LSM3: variants seen among roughly 807,000 people sequenced by gnomAD.
LSM3 encodes LSM3 homolog, U6 small nuclear RNA and mRNA degradation associated, also known as U6 snRNA-associated Sm-like protein LSm3.
A neutral mutation model predicts 15.4 loss-of-function variants in LSM3; 14 were observed. The ratio of observed to expected loss-of-function variants is 0.91; its 90% CI spans 0.60 to 1.42. LSM3 has a LOEUF of 1.42. Among genes scored for constraint, LSM3 ranks in the 40% most tolerant of loss-of-function variants. LSM3 has a pLI of 0.00. For synonymous variants in LSM3, 46 were observed against 45.1 expected (o/e 1.02, Z -0.08); for missense variants, 88 against 127.9 (o/e 0.69, Z 1.50).
intron 3 of LSM3, among the ~76,000 whole-genome samples, chr3:14,197,663 T>TCTCGCCATTATC (rs1271235833): frequency 3.9e-4 from 59 of 152,362 alleles, no homozygotes; most frequent in Non-Finnish European, 7.3e-4. Flanking sequence ...TCTTAGTTCA[T>TCTCGCCATTATC]TTAGTGTTAG....
intron 3 of LSM3, among the ~76,000 whole-genome samples, chr3:14,187,759 A>G (rs1300378068): frequency 6.6e-6 from 1 of 152,226 alleles, no homozygotes; most frequent in Non-Finnish European, 1.5e-5. Context: ...TTTTCCCCCT[A>G]TAACTTACAT....
At chr3:14,196,281 T>C (rs1188595213) in intron 3 of LSM3, among the ~76,000 whole-genome samples, 1 of 152,096 alleles carries the variant, frequency 6.6e-6, no homozygotes, top group African/African-American at 2.4e-5. Flanking sequence ...GATGGCCAAG[T>C]TGCTGCAGAG....
chr3:14,195,316 G>A (rs1045059018), intron 3 of LSM3, among the ~76,000 whole-genome samples: 4 of 152,168 alleles, frequency 2.6e-5, no homozygotes, highest in Non-Finnish European at 5.9e-5. Context: ...CTGTAAGGGA[G>A]CCTGGGAAAT....
At chr3:14,187,316 G>A (rs1451590933) in intron 3 of LSM3, among the ~76,000 whole-genome samples, 1 of 152,212 alleles carries the variant, frequency 6.6e-6, no homozygotes, top group Non-Finnish European at 1.5e-5. Context: ...GCTCCTGAAC[G>A]CTGCGTGCTG....
chr3:14,179,608 A>G (rs1251447886), intron 1 of LSM3, among the ~76,000 whole-genome samples: 1 of 152,154 alleles, frequency 6.6e-6, no homozygotes, highest in Non-Finnish European at 1.5e-5. Context: ...TTATTTTTTC[A>G]TATTAAATGT....
rs973191592 is a variant in LSM3, at chr3:14,200,700, A to G, written c.*2584A>G. ...GCCCAAAATGAAAAGTAACTTGAGT[A>G]TCCCAAGTTAAACTTAATCATTAGC... On this transcript the variant is annotated 3_prime_UTR_variant, in exon 4 of 4. Transcript: ENST00000306024. 6.6e-6 allele frequency: 1 copy of G among 152,220 alleles called. No homozygotes were observed. Among genetic ancestry groups the G allele is most frequent in the East Asian group, 1.9e-4 (1 of 5,198 alleles). 9.4% of individuals were successfully genotyped at this position (152,220 alleles called of 1,614,324 possible). A position where few individuals can be genotyped will look rare whatever the true frequency, so the allele number is the denominator to read the frequency against.
At chr3:14,180,961 C>T (rs1032455878) in intron 1 of LSM3, among the ~76,000 whole-genome samples, 66 of 151,364 alleles carry the variant, frequency 4.4e-4, no homozygotes, top group South Asian at 1.0e-3. Flanking sequence ...AAGCAATCCT[C>T]CCACCTCAGC....
chr3:14,181,026 C>G (rs918935041), intron 1 of LSM3, among the ~76,000 whole-genome samples: 3 of 151,836 alleles, frequency 2.0e-5, no homozygotes, highest in African/African-American at 7.3e-5. Context: ...TAAGCCAGTG[C>G]TTTCAACCAG....
chr3:14,190,272 A>T (rs889763695), intron 3 of LSM3, among the ~76,000 whole-genome samples: 1 of 152,188 alleles, frequency 6.6e-6, no homozygotes, highest in Non-Finnish European at 1.5e-5. Context: ...TGCCTTGGCT[A>T]TGCAGGCTCT....
At position 14,191,186 on chromosome 3, in the gene LSM3, A is replaced by C. The variant is rs569125991; in HGVS notation, c.229-6850A>C. On this transcript the variant is annotated intron_variant, in intron 3 of 3. Transcript: ENST00000306024. ...GAGGTGCTGCTGGGTTCAGCTTGCC[A>C]GTATTTTATTGAGGATTTTTGCATC... 3.7e-4 allele frequency among the ~76,000 whole-genome samples: 56 copies of C among 152,290 alleles called. 1 individual carries two copies. The East Asian group carries it at 3.9e-3, about 10-fold the overall frequency.
At chr3:14,179,734 CAAAA>C (rs1175320901) in intron 1 of LSM3, among the ~76,000 whole-genome samples, 1 of 152,166 alleles carries the variant, frequency 6.6e-6, no homozygotes, top group East Asian at 1.9e-4. Flanking sequence ...TGGAAACACT[CAAAA>C]AATATTTGAG....
chr3:14,185,233 T>C (rs1461457771), intron 3 of LSM3, among the ~76,000 whole-genome samples: 1 of 152,026 alleles, frequency 6.6e-6, no homozygotes, highest in African/African-American at 2.4e-5. Context: ...GCACTGGCAA[T>C]CCCAGCTACT....
rs561921673 is a variant in LSM3, at chr3:14,199,230, T to C, written c.*1114T>C. The C allele has an allele frequency of 2.0e-5, 3 of 152,198 alleles. No individual in the cohort carries two copies. The highest frequency in any genetic ancestry group is 1.9e-4 in the East Asian group (1 of 5,192). The allele number at this position is 152,198 out of a possible 1,614,324, so 9.4% of individuals were successfully genotyped here. A position where few individuals can be genotyped will look rare whatever the true frequency, so the allele number is the denominator to read the frequency against. On this transcript the variant is annotated 3_prime_UTR_variant, in exon 4 of 4. Transcript: ENST00000306024. ...TCTCAGTGACACAGTAAAGCAGAAATTGGCTGAAAGCAAAGCTGTTTTTAT... is the reference window on the plus strand; with the variant it reads ...TCTCAGTGACACAGTAAAGCAGAAACTGGCTGAAAGCAAAGCTGTTTTTAT...
intron 3 of LSM3, among the ~76,000 whole-genome samples, chr3:14,195,404 C>G (rs750819204): frequency 3.7e-4 from 57 of 152,170 alleles, no homozygotes; most frequent in African/African-American, 8.2e-4. Context: ...TCTGCTCCCC[C>G]CCACCCACAC....
intron 3 of LSM3, among the ~76,000 whole-genome samples, chr3:14,195,342 G>A (rs537308649): frequency 6.6e-6 from 1 of 152,094 alleles, no homozygotes; most frequent in Admixed American, 6.5e-5. Context: ...AGAATTGTGT[G>A]CCCAGGAAGG....
rs1697205585 is a variant in LSM3 at position 14,198,452 on chromosome 3, G to C, written c.*336G>C. The C allele has an allele frequency of 1.4e-5, 4 of 278,278 alleles. No individual in the cohort carries two copies. The South Asian group carries it at 1.7e-4, about 12-fold the overall frequency. 17.2% of individuals were successfully genotyped at this position (278,278 alleles called of 1,614,324 possible). ...TAGATTTTTTTAAGTGCGGTCTTCT[G>C]TCTTGTGAATTATTTAAAGTAAGCA... On this transcript the variant is annotated 3_prime_UTR_variant, in exon 4 of 4. Coordinates refer to ENST00000306024, the MANE Select transcript of LSM3 (RefSeq NM_014463.3).
chr3:14,186,735 T>C (rs539398094), intron 3 of LSM3, among the ~76,000 whole-genome samples: 1 of 152,370 alleles, frequency 6.6e-6, no homozygotes, highest in Admixed American at 6.5e-5. Context: ...GTTATTGTTT[T>C]CTTAACATGG....
intron 3 of LSM3, among the ~76,000 whole-genome samples, chr3:14,196,399 C>CT (rs1697188122): frequency 6.6e-6 from 1 of 152,184 alleles, no homozygotes; most frequent in Admixed American, 6.5e-5. Flanking sequence ...TGCCACGTGA[C>CT]TTTCGGTTTT....
chr3:14,198,449 T>A lies in LSM3; in HGVS notation c.*333T>A, dbSNP rs144681549. 114 of 289,626 alleles carry A rather than the reference T, an allele frequency of 3.9e-4. No individual in the cohort carries two copies. The East Asian group carries it at 7.2e-3, about 18-fold the overall frequency. 17.9% of individuals were successfully genotyped at this position (289,626 alleles called of 1,614,324 possible). On this transcript the variant is annotated 3_prime_UTR_variant, in exon 4 of 4. Transcript: ENST00000306024. The stretch of plus-strand genomic sequence containing the variant: ...TTGTAGATTTTTTTAAGTGCGGTCT[T>A]CTGTCTTGTGAATTATTTAAAGTAA...
Sources: allele counts gnomAD v4.1 joint callset (sites outside exome capture counted in the v4.1 genomes callset), GRCh38; gene constraint gnomAD v4.1.1; transcripts MANE v1.5; gene names NCBI Gene and HGNC (gene_info 2026-07-23, HGNC 2026-07-21).